WDTC1: variants seen among roughly 807,000 people sequenced by gnomAD.
WDTC1 encodes the protein WD and tetratricopeptide repeats 1.
Under a neutral mutation model 76.0 loss-of-function variants are expected in WDTC1, and 12 were observed. The observed-to-expected ratio is 0.16, with a 90% CI of 0.10 to 0.26. WDTC1 has a LOEUF of 0.26. Ranked by LOEUF, WDTC1 falls within the 10% of genes least tolerant of loss-of-function variation. The pLI is 1.00. For synonymous variants in WDTC1, 326 were observed against 350.8 expected (o/e 0.93, Z 0.79); for missense variants, 511 against 908.8 (o/e 0.56, Z 5.63).
At chr1:27,256,035 C>G (rs985915251) in intron 1 of WDTC1, among the ~76,000 whole-genome samples, 3 of 152,112 alleles carry the variant, frequency 2.0e-5, no homozygotes, top group Non-Finnish European at 4.4e-5. Flanking sequence ...GCAACAGAAA[C>G]CAACTCTGGC....
Position 27,306,633 on chromosome 1 carries a change from C to A in WDTC1, c.*250C>A, listed in dbSNP as rs569990768. ...AGGAGGGGACACCCCTCCATATGCC[C>A]CCCCCCATCTCCTGCTTTCATGTCC... is the stretch of plus-strand genomic sequence containing the variant. On this transcript the variant is annotated 3_prime_UTR_variant, in exon 16 of 16. Coordinates refer to ENST00000319394, the MANE Select transcript of WDTC1 (RefSeq NM_001276252.2). This position sits in a 1 kb window ranked among gnomAD's most constrained non-coding sequence, Gnocchi z 5.0. The A allele has an allele frequency of 2.4e-5, 13 of 549,434 alleles. No homozygotes were observed. The highest frequency in any genetic ancestry group is 1.1e-4 in the African/African-American group (6 of 52,878). The allele number at this position is 549,434 out of a possible 1,614,324, so 34.0% of individuals were successfully genotyped here.
At chr1:27,256,063 T>A (rs2012271112) in intron 1 of WDTC1, among the ~76,000 whole-genome samples, 1 of 152,168 alleles carries the variant, frequency 6.6e-6, no homozygotes, top group African/African-American at 2.4e-5. Context: ...TGAAAAGATA[T>A]TAAGGAAATT....
intron 1 of WDTC1, among the ~76,000 whole-genome samples, chr1:27,241,961 G>A (rs2011642667): frequency 6.8e-6 from 1 of 148,120 alleles, no homozygotes; most frequent in South Asian, 2.1e-4. Context: ...GTGCAATCTT[G>A]GCTCACTGCA....
At chr1:27,280,691 C>T (rs2013162565) in intron 3 of WDTC1, among the ~76,000 whole-genome samples, 1 of 152,208 alleles carries the variant, frequency 6.6e-6, no homozygotes, top group Non-Finnish European at 1.5e-5. Flanking sequence ...CTGTAACTTT[C>T]ATGCTCTTTG....
At chr1:27,250,860 CTTG>C (rs1242153414) in intron 1 of WDTC1, among the ~76,000 whole-genome samples, 6 of 146,292 alleles carry the variant, frequency 4.1e-5, no homozygotes, top group East Asian at 3.9e-4. Context: ...TGTTAATTGA[CTTG>C]TTTTTTTTTT....
At chr1:27,302,750 CA>C (rs1172706665) in intron 13 of WDTC1, among the ~76,000 whole-genome samples, 3 of 151,860 alleles carry the variant, frequency 2.0e-5, no homozygotes, top group Non-Finnish European at 4.4e-5. Context: ...CAAACAACAA[CA>C]ACAACAAAAT....
chr1:27,270,876 A>G (rs1226182879), intron 3 of WDTC1, among the ~76,000 whole-genome samples: 1 of 152,186 alleles, frequency 6.6e-6, no homozygotes, highest in Non-Finnish European at 1.5e-5. Flanking sequence ...ACTCATCAGT[A>G]GACTGTATGG....
intron 3 of WDTC1, among the ~76,000 whole-genome samples, chr1:27,269,561 G>GT (rs2012790638): frequency 6.8e-6 from 1 of 146,850 alleles, no homozygotes; most frequent in African/African-American, 2.5e-5. Flanking sequence ...TCATTGAATG[G>GT]TTTTGACCAT....
intron 4 of WDTC1, 134 bp from the exon 5 acceptor site, chr1:27,283,204 G>A (rs1394385778): frequency 4.3e-6 from 3 of 698,098 alleles, no homozygotes; most frequent in African/African-American, 1.8e-5. Flanking sequence ...CTGTTTACAA[G>A]GCAACCTTAA....
rs1451934548 is a variant in WDTC1, at chr1:27,259,375, C to T, written c.-99-1581C>T. 2.0e-5 allele frequency among the ~76,000 whole-genome samples: 3 copies of T among 148,734 alleles called. No individual in the cohort carries two copies. In the East Asian group the frequency reaches 6.0e-4, roughly 30 times the overall value. On this transcript the variant is annotated intron_variant, in intron 1 of 15. Coordinates refer to ENST00000319394, the MANE Select transcript of WDTC1 (RefSeq NM_001276252.2). ...TATAGATAAGGTCTCACTTTGCTGC[C>T]CAGGCTGGTCTCTAACACCTGGTTT...
intron 1 of WDTC1, among the ~76,000 whole-genome samples, chr1:27,237,411 CCTTT>C (rs1196310611): frequency 4.6e-5 from 7 of 152,160 alleles, no homozygotes; most frequent in Admixed American, 3.3e-4. Flanking sequence ...TATTCTGTTT[CCTTT>C]CTTCTTTCCA....
intron 1 of WDTC1, among the ~76,000 whole-genome samples, chr1:27,241,642 T>C (rs1359714682): frequency 6.6e-6 from 1 of 152,196 alleles, no homozygotes; most frequent in Admixed American, 6.5e-5. Context: ...ACAAGAGATA[T>C]TTTGAATTGT....
chr1:27,302,724 G>C (rs904263435), intron 13 of WDTC1, among the ~76,000 whole-genome samples: 2 of 151,312 alleles, frequency 1.3e-5, no homozygotes, highest in African/African-American at 4.9e-5. Flanking sequence ...CTGGGTGACA[G>C]AGCAAAATCC....
At chr1:27,255,293 A>G (rs967493976) in intron 1 of WDTC1, among the ~76,000 whole-genome samples, 2 of 152,128 alleles carry the variant, frequency 1.3e-5, no homozygotes, top group Non-Finnish European at 2.9e-5. Flanking sequence ...ATTACATACC[A>G]TAGTTGTCAA....
At chr1:27,275,613 G>A (rs1177397788) in intron 3 of WDTC1, among the ~76,000 whole-genome samples, 1 of 146,284 alleles carries the variant, frequency 6.8e-6, no homozygotes, top group East Asian at 2.0e-4. Context: ...GTGAGACTCT[G>A]TCTCAAAAAA....
intron 3 of WDTC1, among the ~76,000 whole-genome samples, chr1:27,266,321 C>CT (rs2012674678): frequency 6.6e-6 from 1 of 152,184 alleles, no homozygotes; most frequent in Non-Finnish European, 1.5e-5. Context: ...TTTTTACAGT[C>CT]TAACTCTCAA....
In WDTC1 at chr1:27,306,158, A is replaced by G; in HGVS notation, c.1837-28A>G. ...TGGTGCCTCTCCCTCCCTGAGCCCC[A>G]CGTGTGTCACCCCTTTCTCCACCAC... On this transcript the variant is annotated intron_variant, in intron 15 of 15. Transcript: ENST00000319394. This position sits in a 1 kb window ranked among gnomAD's most constrained non-coding sequence, Gnocchi z 5.0. 3 of 1,611,820 alleles carry G rather than the reference A, an allele frequency of 1.9e-6. No homozygotes were observed. The highest frequency in any genetic ancestry group is 1.3e-5 in the African/African-American group (1 of 74,356).
Position 27,296,341 on chromosome 1 carries a change from T to C in WDTC1, c.889T>C (p.Leu297=), listed in dbSNP as rs143803058. ...MGGEQVYLFD[L]TYKQRPYTFL... is the part of the protein sequence containing the mutation. ...TCAACTCTAGGTCTATTTGTTTGAC[T>C]TGACTTACAAGCAGCGGCCGTACAC... Residue 297 remains leucine (L), a synonymous_variant, in exon 10 of 16, where the codon TTG becomes CTG. Coordinates refer to ENST00000319394, the MANE Select transcript of WDTC1 (RefSeq NM_001276252.2). 5 of 1,613,972 alleles carry C rather than the reference T, an allele frequency of 3.1e-6. No homozygotes were observed. The African/African-American group carries it at 4.0e-5, about 13-fold the overall frequency.
intron 1 of WDTC1, among the ~76,000 whole-genome samples, chr1:27,253,517 T>C (rs1316727710): frequency 1.4e-5 from 2 of 146,014 alleles, no homozygotes; most frequent in Admixed American, 1.4e-4. Flanking sequence ...TTTCTTTCTT[T>C]TTTTTTTTTT....
Sources: gnomAD v4.1 joint callset for allele counts (sites outside exome capture counted in the v4.1 genomes callset) on GRCh38, gnomAD v4.1.1 for gene constraint, Gnocchi (gnomAD v3.1) non-coding constraint, MANE v1.5 for transcripts, NCBI Gene and HGNC (gene_info 2026-07-23, HGNC 2026-07-21) for gene names.